DAP: variants seen among roughly 807,000 people sequenced by gnomAD.
DAP encodes the protein death associated protein, also known as death-associated protein 1.
DAP carries 8 observed loss-of-function variants against 13.8 expected under a neutral mutation model. That is an observed-to-expected ratio of 0.58 (90% CI 0.34 to 1.05). The LOEUF (loss-of-function observed/expected upper bound fraction) is 1.05. DAP is among the 50% of genes least tolerant of loss of function. The pLI is 0.03. For synonymous variants in DAP, 47 were observed against 47.5 expected, an observed-to-expected ratio of 0.99 and a Z score of 0.04; for missense variants, 106 against 133.2, an observed-to-expected ratio of 0.80 and a Z score of 1.01.
chr5:10,745,571 TA>T (rs1739878731), intron 2 of DAP, among the ~76,000 whole-genome samples: 1 of 152,228 alleles, frequency 6.6e-6, no homozygotes, highest in Non-Finnish European at 1.5e-5. Flanking sequence ...CTGGCATATT[TA>T]TTTAAATTGA....
rs529451785 is a variant in DAP at position 10,718,661 on chromosome 5, C to T, written c.152+29514G>A. ...TATCATAAGCTTAACCTAGTGGTGA[C>T]TCTAAGTGCAGCTGCTGTGCCAGAT... On this transcript the variant is annotated intron_variant, in intron 2 of 3. Transcript: ENST00000230895. Among the ~76,000 whole-genome samples the T allele has an allele frequency of 3.9e-5, 6 of 152,296 alleles. No homozygotes were observed. The South Asian group carries it at 1.2e-3, about 32-fold the overall frequency.
At position 10,679,602 on chromosome 5, in the gene DAP, C is replaced by G. The variant is rs573177101; in HGVS notation, c.*1454G>C. The G allele has an allele frequency of 2.0e-5, 3 of 152,524 alleles. No homozygotes were observed. The South Asian group carries it at 6.2e-4, about 32-fold the overall frequency. The allele number at this position is 152,524 out of a possible 1,614,324, so 9.4% of individuals were successfully genotyped here. A position where few individuals can be genotyped will look rare whatever the true frequency, so the allele number is the denominator to read the frequency against. Reference sequence around the variant, plus strand: ...AGTCTGGGTCTCTAAAAGCCACCCTCAGTTTATACCAACTGATCAGGAAAT... The same window carrying G: ...AGTCTGGGTCTCTAAAAGCCACCCTGAGTTTATACCAACTGATCAGGAAAT... On this transcript the variant is annotated 3_prime_UTR_variant, in exon 4 of 4. Transcript: ENST00000230895.
intron 2 of DAP, among the ~76,000 whole-genome samples, chr5:10,737,050 C>T (rs1412628581): frequency 2.0e-5 from 3 of 152,128 alleles, no homozygotes; most frequent in African/African-American, 4.8e-5. Context: ...AGGGCACTCA[C>T]AATATTGGAG....
At chr5:10,711,068 T>G (rs1327749533) in intron 2 of DAP, among the ~76,000 whole-genome samples, 3 of 152,208 alleles carry the variant, frequency 2.0e-5, no homozygotes, top group Non-Finnish European at 2.9e-5. Flanking sequence ...TCAGTGAATC[T>G]AAGACTTGAA....
intron 2 of DAP, among the ~76,000 whole-genome samples, chr5:10,712,880 A>G (rs72742374): frequency 5.1e-4 from 77 of 152,284 alleles, no homozygotes; most frequent in Non-Finnish European, 9.3e-4. Context: ...TCAAATCTGA[A>G]TGGAACCTCA....
At chr5:10,748,042 A>C in intron 2 of DAP, 133 bp downstream of exon 2, 2 of 648,810 alleles carry the variant, frequency 3.1e-6, no homozygotes, top group Non-Finnish European at 2.7e-6. Context: ...CTGATTAGGA[A>C]GGGAAAAATA....
chr5:10,683,606 A>C (rs780227119), intron 2 of DAP, 35 bp from the exon 3 acceptor site: 22 of 1,607,220 alleles, frequency 1.4e-5, no homozygotes, highest in Non-Finnish European at 1.9e-5. Context: ...AGATTTAACA[A>C]AACAGTCCAC....
At chr5:10,682,734 A>G (rs1027619711) in intron 3 of DAP, among the ~76,000 whole-genome samples, 10 of 152,280 alleles carry the variant, frequency 6.6e-5, no homozygotes, top group Non-Finnish European at 2.9e-5. Context: ...CTGGCAGGAC[A>G]GCAAGAATGC....
rs538056784 is a variant in DAP, at chr5:10,684,737, A to C, written c.153-1166T>G. ...CTTATTTTTTATGGCTACGTGTGCC[A>C]TAATTTAAAAACATCAGGACACAGT... On this transcript the variant is annotated intron_variant, in intron 2 of 3. Transcript: ENST00000230895. 2.6e-5 allele frequency among the ~76,000 whole-genome samples: 4 copies of C among 152,340 alleles called. No homozygotes were observed. The South Asian group carries it at 8.3e-4, about 32-fold the overall frequency.
At chr5:10,698,553 G>C (rs555343114) in intron 2 of DAP, among the ~76,000 whole-genome samples, 2 of 152,168 alleles carry the variant, frequency 1.3e-5, no homozygotes, top group African/African-American at 4.8e-5. Context: ...ACTAATTAAA[G>C]TCTTCACTCA....
intron 2 of DAP, among the ~76,000 whole-genome samples, chr5:10,692,696 G>A (rs1738335165): frequency 1.3e-5 from 2 of 152,114 alleles, no homozygotes; most frequent in Non-Finnish European, 2.9e-5. Flanking sequence ...CACCCCACAT[G>A]TACCTACTCA....
chr5:10,732,305 C>T (rs1385510150), intron 2 of DAP, among the ~76,000 whole-genome samples: 1 of 152,324 alleles, frequency 6.6e-6, no homozygotes, highest in South Asian at 2.1e-4. Flanking sequence ...GAACTTTCAT[C>T]ATCCTCAAAA....
chr5:10,692,654 G>C (rs1465958493), intron 2 of DAP, among the ~76,000 whole-genome samples: 1 of 152,140 alleles, frequency 6.6e-6, no homozygotes, highest in Non-Finnish European at 1.5e-5. Context: ...TTCCAGTGCG[G>C]TTTCTAGAGT....
intron 1 of DAP, among the ~76,000 whole-genome samples, chr5:10,754,935 A>C (rs2399965): frequency 0.23 from 34,331 of 152,050 alleles, 4,045 homozygotes; most frequent in Middle Eastern, 0.35. Flanking sequence ...GGAACCTGTG[A>C]GTGTGCTGGG....
intron 1 of DAP, 66 bp from the exon 2 acceptor site, chr5:10,748,337 A>G (rs1258268363): frequency 7.1e-7 from 1 of 1,411,618 alleles, no homozygotes; most frequent in Non-Finnish European, 1.0e-6. Context: ...CAGGGGGACC[A>G]GCTGGAAAGG....
In DAP at chr5:10,680,442, T is replaced by G. The variant is rs1024269831; in HGVS notation, c.*614A>C. The G allele has an allele frequency of 4.5e-6, 2 of 443,928 alleles. No individual in the cohort carries two copies. The highest frequency in any genetic ancestry group is 8.0e-6 in the Non-Finnish European group (2 of 249,302). 27.5% of individuals were successfully genotyped at this position (443,928 alleles called of 1,614,324 possible). A position where few individuals can be genotyped will look rare whatever the true frequency, so the allele number is the denominator to read the frequency against. ...GTCTCCAGCCTCATTCTTTGGCATG[T>G]TGACTCCTGGAATTGAGGGGCTATT... On this transcript the variant is annotated 3_prime_UTR_variant, in exon 4 of 4. Coordinates refer to ENST00000230895, the MANE Select transcript of DAP (RefSeq NM_004394.3).
intron 2 of DAP, among the ~76,000 whole-genome samples, chr5:10,703,895 C>T (rs943428013): frequency 7.2e-5 from 11 of 152,248 alleles, no homozygotes; most frequent in Non-Finnish European, 1.6e-4. Flanking sequence ...GGGCCAGGCA[C>T]TGGCTTGTCT....
chr5:10,736,284 A>G (rs1739609778), intron 2 of DAP, among the ~76,000 whole-genome samples: 1 of 152,172 alleles, frequency 6.6e-6, no homozygotes, highest in Admixed American at 6.5e-5. Context: ...TTATGGGAGC[A>G]CTAGGAAAAC....
At chr5:10,733,546 T>C (rs1317213203) in intron 2 of DAP, among the ~76,000 whole-genome samples, 1 of 152,194 alleles carries the variant, frequency 6.6e-6, no homozygotes, top group Non-Finnish European at 1.5e-5. Context: ...AATCTGCTGA[T>C]TCTATGAGAA....
Sources: allele counts gnomAD v4.1 joint callset (sites outside exome capture counted in the v4.1 genomes callset), GRCh38; gene constraint gnomAD v4.1.1; transcripts MANE v1.5; gene names NCBI Gene and HGNC (gene_info 2026-07-23, HGNC 2026-07-21).